Variants in CYP2C8 observed in about 807,000 individuals in gnomAD.
The protein encoded by CYP2C8 is cytochrome P450 family 2 subfamily C member 8, also known as cytochrome P450 2C8.
In CYP2C8, 51 loss-of-function variants were observed where a neutral mutation model predicts 41.3. The observed-to-expected ratio is 1.24, with a 90% confidence interval of 0.99 to 1.56. The LOEUF is 1.56. Among genes scored for constraint, CYP2C8 ranks in the 40% most tolerant of loss-of-function variants. The pLI, the probability that CYP2C8 is intolerant of heterozygous loss-of-function variation, is 0.00. For missense variants in CYP2C8, 651 were observed against 579.9 expected, an observed-to-expected ratio of 1.12 and a Z score of -1.26; for synonymous variants, 218 against 205.8, an observed-to-expected ratio of 1.06 and a Z score of -0.51.
At chr10:95,058,842 G>T (rs2033364316) in intron 4 of CYP2C8, among the ~76,000 whole-genome samples, 1 of 151,488 alleles carries the variant, frequency 6.6e-6, no homozygotes, top group Non-Finnish European at 1.5e-5. Context: ...CCCTTCCTGT[G>T]TTCAAGTGTT....
chr10:95,043,767 C>T (rs2033054590), intron 6 of CYP2C8, among the ~76,000 whole-genome samples: 3 of 152,040 alleles, frequency 2.0e-5, no homozygotes, highest in Admixed American at 6.6e-5. Flanking sequence ...TACACACACA[C>T]AATTCTCCTC....
At chr10:95,062,677 G>T (rs1049736823) in intron 4 of CYP2C8, among the ~76,000 whole-genome samples, 3 of 152,106 alleles carry the variant, frequency 2.0e-5, no homozygotes, top group Non-Finnish European at 4.4e-5. Flanking sequence ...ATTTGATCCT[G>T]TCATTATGAT....
chr10:95,060,890 T>C (rs2033413894), intron 4 of CYP2C8, among the ~76,000 whole-genome samples: 1 of 152,256 alleles, frequency 6.6e-6, no homozygotes, highest in Non-Finnish European at 1.5e-5. Context: ...TTTCTGCATC[T>C]ATTGAGATAA....
chr10:95,064,685 T>C, intron 4 of CYP2C8, 115 bp downstream of exon 4: 1 of 1,024,032 alleles, frequency 9.8e-7, no homozygotes, highest in Non-Finnish European at 1.5e-6. Flanking sequence ...TCTTCACTCA[T>C]ACATCATTTT....
intron 4 of CYP2C8, among the ~76,000 whole-genome samples, chr10:95,059,005 G>T (rs974746823): frequency 6.6e-6 from 1 of 151,854 alleles, no homozygotes; most frequent in African/African-American, 2.4e-5. Context: ...TAGATTCCAT[G>T]GTGTCTATGT....
At chr10:95,043,612 C>G (rs529827214) in intron 6 of CYP2C8, among the ~76,000 whole-genome samples, 4 of 152,122 alleles carry the variant, frequency 2.6e-5, no homozygotes, top group Admixed American at 2.6e-4. Context: ...ACCACTATTT[C>G]TTTCTATTTT....
chr10:95,039,199 A>G (rs944227480), intron 7 of CYP2C8, 161 bp from the exon 8 acceptor site: 2 of 668,098 alleles, frequency 3.0e-6, no homozygotes, highest in Admixed American at 4.7e-5. Context: ...CAGTGGTGGA[A>G]GCTTGCTAAA....
At chr10:95,043,176 A>T (rs2033041234) in intron 6 of CYP2C8, 99 bp from the exon 7 acceptor site, 9 of 1,077,612 alleles carry the variant, frequency 8.4e-6, no homozygotes, top group Middle Eastern at 2.3e-4. Flanking sequence ...AATCCCAGCA[A>T]CATTACAAAC....
chr10:95,051,026 CAG>C (rs1376440290), intron 5 of CYP2C8, among the ~76,000 whole-genome samples: 1 of 152,106 alleles, frequency 6.6e-6, no homozygotes, highest in African/African-American at 2.4e-5. Context: ...CCTGGAGAAA[CAG>C]AGATGTGTGA....
Position 95,069,265 on chromosome 10 carries a change from A to G in CYP2C8, c.138T>C (p.Asp46=), listed in dbSNP as rs749708393. The stretch of plus-strand genomic sequence containing the variant: ...TGAAAGATTTGCAGATGTCCTTAAC[A>G]TCTATCTGTAGCATATTTCCAATAA... ...LPIIGNMLQI[D]VKDICKSFTN... Residue 46 remains aspartate, a synonymous_variant, in exon 1 of 9, where the codon GAT becomes GAC. Coordinates refer to ENST00000371270, the MANE Select transcript of CYP2C8 (RefSeq NM_000770.3). The G allele has an allele frequency of 5.0e-6, 8 of 1,614,104 alleles. No individual in the cohort carries two copies. Among genetic ancestry groups the G allele is most frequent in the Non-Finnish European group, 5.9e-6 (7 of 1,179,994 alleles).
At chr10:95,047,572 A>G (rs1192220242) in intron 5 of CYP2C8, among the ~76,000 whole-genome samples, 3 of 152,210 alleles carry the variant, frequency 2.0e-5, no homozygotes, top group African/African-American at 7.2e-5. Context: ...GGCAACAGGC[A>G]ACTTATTCTT....
chr10:95,064,139 A>G (rs768721954), intron 4 of CYP2C8, among the ~76,000 whole-genome samples: 1 of 152,130 alleles, frequency 6.6e-6, no homozygotes, highest in African/African-American at 2.4e-5. Context: ...TGGGAGAACC[A>G]CTACTCTCTT....
chr10:95,039,016 A>G lies in CYP2C8; in HGVS notation c.1172T>C (p.Leu391Pro), dbSNP rs1251117221. The G allele has an allele frequency of 6.2e-7, 1 of 1,613,796 alleles. No individual in the cohort carries two copies. The highest frequency in any genetic ancestry group is 8.5e-7 in the Non-Finnish European group (1 of 1,179,634). The change falls in exon 8 of 9, where the codon CTG becomes CCG. Residue 391 changes from leucine to proline, a missense_variant. By Grantham distance (98) the Leu-to-Pro change is moderately conservative. Coordinates refer to ENST00000371270, the MANE Select transcript of CYP2C8 (RefSeq NM_000770.3). ...IPKGTTIMALLTSVLHDDKEF... is the reference protein window; with the variant it reads ...IPKGTTIMALPTSVLHDDKEF... ...TTTGTCATCATGTAGCACGGAAGTC[A>G]GTAATGCCATTATGGTTGTGCCCTG...
Position 95,037,320 on chromosome 10 carries a change from CA to C in CYP2C8, c.1292-12del. The C allele has an allele frequency of 6.2e-7, 1 of 1,612,152 alleles. No homozygotes were observed. Among genetic ancestry groups the C allele is most frequent in the Non-Finnish European group, 8.5e-7 (1 of 1,179,210 alleles). On this transcript the variant is annotated splice_polypyrimidine_tract_variant and intron_variant, in intron 8 of 8. Transcript: ENST00000371270. The stretch of plus-strand genomic sequence containing the variant: ...CACAAATTCGTTTTCCTGAAGATAA[CA>C]AAGAAAGGAAGTAGTTACTCCTTGT...
chr10:95,040,537 A>G (rs1284504523), intron 7 of CYP2C8, among the ~76,000 whole-genome samples: 1 of 152,220 alleles, frequency 6.6e-6, no homozygotes, highest in African/African-American at 2.4e-5. Context: ...GGATGAATAC[A>G]GAAACCATGT....
In CYP2C8 at chr10:95,069,378, G is replaced by A. The variant is rs1188319014; in HGVS notation, c.25C>T (p.Leu9=). MEPFVVLV[L]CLSFMLLFSL... ...AAGAGAAGCATAAAAGAGAGACACA[G>A]CACCAGGACCACAAAAGGTTCCATT... is the stretch of plus-strand genomic sequence containing the variant. The change falls in exon 1 of 9, where the codon CTG becomes TTG. Residue 9 remains leucine, a synonymous_variant. Coordinates refer to ENST00000371270, the MANE Select transcript of CYP2C8 (RefSeq NM_000770.3). 1 of 1,614,096 alleles carries A rather than the reference G, an allele frequency of 6.2e-7. No individual in the cohort carries two copies. The highest frequency in any genetic ancestry group is 8.5e-7 in the Non-Finnish European group (1 of 1,180,016).
chr10:95,046,906 T>C (rs1031083698), intron 5 of CYP2C8, among the ~76,000 whole-genome samples: 11 of 152,182 alleles, frequency 7.2e-5, no homozygotes, highest in Admixed American at 5.9e-4. Flanking sequence ...TAAATATTTA[T>C]CTCTCCCAAA....
At chr10:95,050,729 C>T (rs1354766404) in intron 5 of CYP2C8, among the ~76,000 whole-genome samples, 2 of 152,166 alleles carry the variant, frequency 1.3e-5, no homozygotes, top group Non-Finnish European at 2.9e-5. Context: ...GCCCCTAAAG[C>T]AGATACAGCT....
At chr10:95,058,845 C>T (rs1414250739) in intron 4 of CYP2C8, among the ~76,000 whole-genome samples, 1 of 151,898 alleles carries the variant, frequency 6.6e-6, no homozygotes, top group African/African-American at 2.4e-5. Context: ...TTCCTGTGTT[C>T]AAGTGTTCTC....
Sources: allele counts gnomAD v4.1 joint callset (sites outside exome capture counted in the v4.1 genomes callset), GRCh38; gene constraint gnomAD v4.1.1; transcripts MANE v1.5; gene names NCBI Gene and HGNC (gene_info 2026-07-23, HGNC 2026-07-21).